TBC1D5: variants seen among roughly 807,000 people sequenced by gnomAD.
TBC1D5 encodes TBC1 domain family, member 5.
TBC1D5 carries 75 observed loss-of-function variants against 100.3 expected under a neutral mutation model. The ratio of observed to expected loss-of-function variants is 0.75; its 90% confidence interval spans 0.62 to 0.91. TBC1D5 has a LOEUF of 0.91. TBC1D5 is among the 40% of genes least tolerant of loss of function. The probability of loss-of-function intolerance (pLI) is 0.00; values close to 1 mark genes in which losing one functional copy is unlikely to be tolerated. For missense variants in TBC1D5, 910 were observed against 942.4 expected, an observed-to-expected ratio of 0.97 and a Z score of 0.45; for synonymous variants, 323 against 325.6, an observed-to-expected ratio of 0.99 and a Z score of 0.09.
At chr3:17,250,266 A>G (rs992697425) in intron 16 of TBC1D5, among the ~76,000 whole-genome samples, 9 of 152,188 alleles carry the variant, frequency 5.9e-5, no homozygotes, top group African/African-American at 2.2e-4. Flanking sequence ...CCATGTTACC[A>G]TATCATTGCT....
intron 2 of TBC1D5, among the ~76,000 whole-genome samples, chr3:17,588,220 A>C (rs2096744450): frequency 6.6e-6 from 1 of 151,906 alleles, no homozygotes. Context: ...ATAAAAGAAC[A>C]AATTGACATA....
At chr3:17,242,590 A>G (rs954530639) in intron 16 of TBC1D5, among the ~76,000 whole-genome samples, 5 of 152,060 alleles carry the variant, frequency 3.3e-5, no homozygotes, top group African/African-American at 1.2e-4. Context: ...AAAGCTACAC[A>G]TATGCTTGGT....
At chr3:17,501,500 T>C (rs1054899309) in intron 3 of TBC1D5, among the ~76,000 whole-genome samples, 11 of 148,982 alleles carry the variant, frequency 7.4e-5, no homozygotes, top group Middle Eastern at 3.2e-3. Context: ...CCATCCCTGT[T>C]ACTCTTAGAC....
intron 1 of TBC1D5, among the ~76,000 whole-genome samples, chr3:17,666,356 A>C (rs2067253470): frequency 6.6e-6 from 1 of 152,192 alleles, no homozygotes; most frequent in Non-Finnish European, 1.5e-5. Flanking sequence ...CTGACAAAGA[A>C]GATTTTAGAA....
intron 15 of TBC1D5, among the ~76,000 whole-genome samples, chr3:17,261,065 T>G (rs1309956482): frequency 6.6e-6 from 1 of 152,194 alleles, no homozygotes; most frequent in East Asian, 1.9e-4. Context: ...CGTACACCAC[T>G]ACATGGCTAT....
intron 3 of TBC1D5, among the ~76,000 whole-genome samples, chr3:17,441,389 G>A (rs192575659): frequency 1.2e-3 from 189 of 152,298 alleles, no homozygotes; most frequent in Non-Finnish European, 2.1e-3. Flanking sequence ...ACTGTGGGAG[G>A]TTGCTCTTTG....
At chr3:17,475,207 TAAC>T (rs948948165) in intron 3 of TBC1D5, among the ~76,000 whole-genome samples, 6 of 150,924 alleles carry the variant, frequency 4.0e-5, no homozygotes, top group Admixed American at 3.3e-4. Context: ...TTCCCAAATC[TAAC>T]ACCATCTGCA....
chr3:17,251,578 A>G lies in TBC1D5; in HGVS notation c.1331+6928T>C, dbSNP rs546390663. Among the ~76,000 whole-genome samples the G allele has an allele frequency of 2.0e-5, 3 of 152,302 alleles. No homozygotes were observed. The East Asian group carries it at 5.8e-4, about 29-fold the overall frequency. Reference sequence around the variant, plus strand: ...AATAAGGAAAGAGGATGCAAAGATGACATGTGATTTCATGGATAAGAATAT... The same window carrying G: ...AATAAGGAAAGAGGATGCAAAGATGGCATGTGATTTCATGGATAAGAATAT... On this transcript the variant is annotated intron_variant, in intron 16 of 21. Transcript: ENST00000253692.
chr3:17,177,982 C>G (rs2067982039), intron 19 of TBC1D5, among the ~76,000 whole-genome samples: 2 of 151,834 alleles, frequency 1.3e-5, no homozygotes, highest in South Asian at 4.1e-4. Flanking sequence ...TCTTTCTGTG[C>G]CTGGCTTATT....
At chr3:17,736,028 A>G (rs2153997157) in intron 1 of TBC1D5, among the ~76,000 whole-genome samples, 1 of 152,242 alleles carries the variant, frequency 6.6e-6, no homozygotes, top group South Asian at 2.1e-4. Flanking sequence ...ATACGATTTG[A>G]CTATTTCTTT....
At chr3:17,355,838 A>G (rs1158139789) in intron 13 of TBC1D5, among the ~76,000 whole-genome samples, 1 of 152,072 alleles carries the variant, frequency 6.6e-6, no homozygotes, top group Admixed American at 6.6e-5. Context: ...AGGTTATGCA[A>G]TACTTTCTGA....
At chr3:17,244,049 T>C (rs1443759869) in intron 16 of TBC1D5, among the ~76,000 whole-genome samples, 1 of 152,120 alleles carries the variant, frequency 6.6e-6, no homozygotes, top group East Asian at 1.9e-4. Context: ...CCTTTTTTGG[T>C]GTGGCTTAGA....
intron 9 of TBC1D5, among the ~76,000 whole-genome samples, chr3:17,383,144 T>TGGTAAA (rs1347457384): frequency 1.3e-5 from 2 of 151,996 alleles, no homozygotes; most frequent in Non-Finnish European, 1.5e-5. Context: ...TCAAATTAAA[T>TGGTAAA]ACACTGCTTT....
intron 13 of TBC1D5, among the ~76,000 whole-genome samples, chr3:17,314,877 A>G (rs938470691): frequency 1.3e-5 from 2 of 152,240 alleles, no homozygotes; most frequent in African/African-American, 4.8e-5. Flanking sequence ...AAACTTTTGC[A>G]TGCAGCAGAG....
chr3:17,670,342 G>A (rs963692022), intron 1 of TBC1D5, among the ~76,000 whole-genome samples: 2 of 152,188 alleles, frequency 1.3e-5, no homozygotes, highest in African/African-American at 2.4e-5. Context: ...CATAAAGCAT[G>A]CACATTATAT....
At chr3:17,388,603 C>T (rs2152296774) in intron 8 of TBC1D5, among the ~76,000 whole-genome samples, 1 of 149,598 alleles carries the variant, frequency 6.7e-6, no homozygotes, top group Non-Finnish European at 1.5e-5. Flanking sequence ...AATCCCAGCA[C>T]TTTGAAAGGT....
At chr3:17,531,544 A>C (rs1576547342) in intron 2 of TBC1D5, among the ~76,000 whole-genome samples, 2 of 152,372 alleles carry the variant, frequency 1.3e-5, no homozygotes, top group African/African-American at 2.4e-5. Context: ...CTAAGCCAAA[A>C]GAACGAAGCT....
intron 15 of TBC1D5, among the ~76,000 whole-genome samples, chr3:17,270,139 G>T (rs1431483241): frequency 6.6e-6 from 1 of 151,946 alleles, no homozygotes; most frequent in African/African-American, 2.4e-5. Flanking sequence ...CCTTTTCTCC[G>T]CAGTCTCACC....
Position 17,160,651 on chromosome 3 carries a change from A to G in TBC1D5, c.*312T>C, listed in dbSNP as rs191412758. 9 of 296,888 alleles carry G rather than the reference A, an allele frequency of 3.0e-5. No individual in the cohort carries two copies. The Admixed American group carries it at 4.0e-4, about 13-fold the overall frequency. 18.4% of individuals were successfully genotyped at this position (296,888 alleles called of 1,614,324 possible). ...GGGGACAGAGGAAAAGTGATTCTAA[A>G]TTGTGATTCGGTCTTTTCTAACTGT... On this transcript the variant is annotated 3_prime_UTR_variant, in exon 22 of 22. Coordinates refer to ENST00000253692, the Ensembl canonical transcript of TBC1D5.
Sources: allele counts gnomAD v4.1 joint callset (sites outside exome capture counted in the v4.1 genomes callset), GRCh38; gene constraint gnomAD v4.1.1; transcripts MANE v1.5; gene names NCBI Gene and HGNC (gene_info 2026-07-23, HGNC 2026-07-21).